The following CCDC172 variants were observed in gnomAD, a reference collection of about 807,000 sequenced individuals.
The protein encoded by CCDC172 is coiled-coil domain containing 172, also known as coiled-coil domain-containing protein 172.
CCDC172 carries 30 observed loss-of-function variants against 38.0 expected under a neutral mutation model. The ratio of observed to expected loss-of-function variants is 0.79; its 90% CI spans 0.59 to 1.07. The LOEUF is 1.07. Ranked by LOEUF, CCDC172 falls within the 50% of genes least tolerant of loss-of-function variation. The pLI is 0.00. For synonymous variants in CCDC172, 78 were observed against 88.3 expected (o/e 0.88, Z 0.66); for missense variants, 297 against 290.1 (o/e 1.02, Z -0.17).
chr10:116,368,413 C>T (rs1845148757), intron 7 of CCDC172, among the ~76,000 whole-genome samples: 1 of 151,874 alleles, frequency 6.6e-6, no homozygotes, highest in African/African-American at 2.4e-5. Flanking sequence ...TCCTTTTCCC[C>T]TCCTTCCCCC....
At chr10:116,329,367 C>A (rs1402486794) in intron 3 of CCDC172, among the ~76,000 whole-genome samples, 3 of 152,082 alleles carry the variant, frequency 2.0e-5, no homozygotes, top group Non-Finnish European at 4.4e-5. Context: ...GCCAATCATT[C>A]TTTGACCCCA....
Position 116,325,099 on chromosome 10 carries a change from ATTT to A in CCDC172, c.79+10_79+12del, listed in dbSNP as rs1565709641. The A allele has an allele frequency of 6.2e-7, 1 of 1,613,440 alleles. No individual in the cohort carries two copies. The highest frequency in any genetic ancestry group is 1.3e-5 in the African/African-American group (1 of 74,990). On this transcript the variant is annotated intron_variant, in intron 2 of 8. Coordinates refer to ENST00000333254, the MANE Select transcript of CCDC172 (RefSeq NM_198515.3). ...CCGTTTGATGCGAGAAGGTCGGGGT[ATTT>A]CTGTCCTTTGCATGGGGCCTTTTGT...
intron 7 of CCDC172, among the ~76,000 whole-genome samples, chr10:116,376,303 A>G (rs1365624824): frequency 1.3e-5 from 2 of 152,166 alleles, no homozygotes; most frequent in African/African-American, 4.8e-5. Context: ...GTTCAAATTG[A>G]TCTACACTTC....
intron 5 of CCDC172, among the ~76,000 whole-genome samples, chr10:116,349,445 T>A (rs1338094679): frequency 2.6e-5 from 4 of 152,262 alleles, no homozygotes; most frequent in African/African-American, 9.6e-5. Flanking sequence ...AAATGTTACA[T>A]CTTCAGGAAA....
intron 3 of CCDC172, among the ~76,000 whole-genome samples, chr10:116,334,160 A>G (rs953086988): frequency 2.6e-5 from 4 of 152,050 alleles, no homozygotes; most frequent in African/African-American, 9.7e-5. Flanking sequence ...TCAGATTATT[A>G]CTCTAAAATG....
intron 7 of CCDC172, among the ~76,000 whole-genome samples, chr10:116,367,268 ATAAAG>A (rs1845134753): frequency 6.6e-6 from 1 of 152,176 alleles, no homozygotes; most frequent in African/African-American, 2.4e-5. Context: ...TGTTCTCATG[ATAAAG>A]TAATGATAAA....
At chr10:116,349,500 T>A (rs1418435852) in intron 5 of CCDC172, among the ~76,000 whole-genome samples, 1 of 152,194 alleles carries the variant, frequency 6.6e-6, no homozygotes, top group Non-Finnish European at 1.5e-5. Flanking sequence ...TTAGGTCAGC[T>A]CTTCTGGTTA....
At chr10:116,328,985 CAACA>C (rs1844624292) in intron 3 of CCDC172, among the ~76,000 whole-genome samples, 1 of 152,096 alleles carries the variant, frequency 6.6e-6, no homozygotes, top group Non-Finnish European at 1.5e-5. Flanking sequence ...ATTATTCATT[CAACA>C]AACATTCATT....
chr10:116,360,435 C>T (rs186613631), intron 7 of CCDC172, among the ~76,000 whole-genome samples: 23 of 152,198 alleles, frequency 1.5e-4, no homozygotes, highest in Admixed American at 8.5e-4. Context: ...ATTTTCACTA[C>T]GAAAAGATTA....
chr10:116,353,534 A>G (rs951472378), intron 5 of CCDC172, among the ~76,000 whole-genome samples: 4 of 152,124 alleles, frequency 2.6e-5, no homozygotes, highest in South Asian at 2.1e-4. Flanking sequence ...ACTTAATAAA[A>G]AGATAACCCA....
intron 5 of CCDC172, among the ~76,000 whole-genome samples, chr10:116,351,583 G>A (rs1230449173): frequency 6.6e-6 from 1 of 152,046 alleles, no homozygotes; most frequent in Non-Finnish European, 1.5e-5. Context: ...ACAAGTAAAA[G>A]GATAATTTAA....
chr10:116,346,788 A>G (rs1253341307), intron 5 of CCDC172, among the ~76,000 whole-genome samples: 1 of 152,154 alleles, frequency 6.6e-6, no homozygotes, highest in Non-Finnish European at 1.5e-5. Flanking sequence ...TTATTCTTTC[A>G]GAAAGTCTGT....
intron 5 of CCDC172, among the ~76,000 whole-genome samples, chr10:116,343,025 A>G (rs1182035215): frequency 2.6e-5 from 4 of 152,124 alleles, no homozygotes; most frequent in Non-Finnish European, 4.4e-5. Flanking sequence ...TAGTGCAAGA[A>G]TGGACTAATA....
At chr10:116,324,645 C>T (rs1406762941) in intron 1 of CCDC172, 32 bp downstream of exon 1, 2 of 192,778 alleles carry the variant, frequency 1.0e-5, no homozygotes, top group Admixed American at 5.6e-5. Context: ...GCCACCAAAG[C>T]GAAAAACAAA....
intron 5 of CCDC172, among the ~76,000 whole-genome samples, chr10:116,353,901 T>C (rs982108580): frequency 1.3e-5 from 2 of 152,108 alleles, no homozygotes; most frequent in African/African-American, 4.8e-5. Flanking sequence ...ATTGGAGAAA[T>C]GTAAAATGAT....
chr10:116,359,221 C>G (rs930150837), intron 7 of CCDC172, among the ~76,000 whole-genome samples: 33 of 152,124 alleles, frequency 2.2e-4, no homozygotes, highest in African/African-American at 7.7e-4. Context: ...GACTATCAGT[C>G]TTACAATTAA....
At chr10:116,340,059 A>AATTT (rs1409199442) in intron 3 of CCDC172, among the ~76,000 whole-genome samples, 1 of 151,904 alleles carries the variant, frequency 6.6e-6, no homozygotes, top group African/African-American at 2.4e-5. Flanking sequence ...TCATATATTA[A>AATTT]AGCTTCCTAA....
At chr10:116,359,062 A>T (rs764621470) in intron 7 of CCDC172, among the ~76,000 whole-genome samples, 1 of 152,242 alleles carries the variant, frequency 6.6e-6, no homozygotes, top group Non-Finnish European at 1.5e-5. Context: ...GCATTTTAGC[A>T]GTTATTAAAT....
At chr10:116,348,478 A>G (rs1003257852) in intron 5 of CCDC172, among the ~76,000 whole-genome samples, 4 of 151,754 alleles carry the variant, frequency 2.6e-5, no homozygotes, top group Admixed American at 2.6e-4. Flanking sequence ...AGCTATTTTT[A>G]TATTTATACT....
Sources: allele counts gnomAD v4.1 joint callset (sites outside exome capture counted in the v4.1 genomes callset), GRCh38; gene constraint gnomAD v4.1.1; transcripts MANE v1.5; gene names NCBI Gene and HGNC (gene_info 2026-07-23, HGNC 2026-07-21).